PDZD2: variants seen among roughly 807,000 people sequenced by gnomAD.
The protein encoded by PDZD2 is PDZ domain containing 2, also known as PDZ domain-containing protein 2.
Under a neutral mutation model 220.7 loss-of-function variants are expected in PDZD2, and 90 were observed. The ratio of observed to expected loss-of-function variants is 0.41; its 90% CI spans 0.34 to 0.49. The LOEUF (loss-of-function observed/expected upper bound fraction) is 0.49, where lower values mean the gene tolerates loss of function less well. Among genes scored for constraint, PDZD2 ranks in the 20% least tolerant of loss-of-function variants. PDZD2 has a pLI of 0.28. For missense variants in PDZD2, 3,174 were observed against 3,608.5 expected (o/e 0.88, Z 3.08); for synonymous variants, 1,375 against 1,450.5 (o/e 0.95, Z 1.18).
intron 2 of PDZD2, among the ~76,000 whole-genome samples, chr5:31,844,438 T>C (rs1317404542): frequency 5.3e-5 from 8 of 152,344 alleles, no homozygotes; most frequent in Admixed American, 1.3e-4. Flanking sequence ...TTTTTAACAA[T>C]GTGCATATGT....
chr5:31,815,433 G>A (rs1284013199), intron 2 of PDZD2, among the ~76,000 whole-genome samples: 5 of 152,018 alleles, frequency 3.3e-5, no homozygotes, highest in Admixed American at 3.3e-4. Context: ...ATATGTCAAA[G>A]AGATATATTT....
At chr5:31,755,085 A>C (rs1425337252) in intron 1 of PDZD2, among the ~76,000 whole-genome samples, 1 of 152,210 alleles carries the variant, frequency 6.6e-6, no homozygotes, top group Non-Finnish European at 1.5e-5. Context: ...AGGCAATGAC[A>C]GGGCAGCAGC....
rs1236864707 is a variant in PDZD2 at position 32,039,796 on chromosome 5, C to T, written c.1519+2454C>T. Among the ~76,000 whole-genome samples, 7 of 149,024 alleles carry T rather than the reference C, an allele frequency of 4.7e-5. No homozygotes were observed. The East Asian group carries it at 6.2e-4, about 13-fold the overall frequency. ...GGAGCGTCTCTGCCGGACTGCCCAT[C>T]GTCTGGGATGTGAGGAGCGCCTCTG... On this transcript the variant is annotated intron_variant, in intron 7 of 24. Transcript: ENST00000438447.
chr5:32,023,270 A>G (rs1306545057), intron 6 of PDZD2, among the ~76,000 whole-genome samples: 2 of 152,096 alleles, frequency 1.3e-5, no homozygotes, highest in Admixed American at 6.6e-5. Context: ...CCCGGAGCCC[A>G]GAGCTTTCAT....
intron 23 of PDZD2, chr5:32,100,747 A>G (rs1027351738): frequency 1.0e-5 from 5 of 496,176 alleles, no homozygotes; most frequent in African/African-American, 5.9e-5. Context: ...GGAGTCCCCA[A>G]GTGTGACTTC....
At chr5:31,894,058 CT>C (rs35969573) in intron 2 of PDZD2, among the ~76,000 whole-genome samples, 3,227 of 69,690 alleles carry the variant, frequency 0.046, 60 homozygotes, top group Non-Finnish European at 0.056. Flanking sequence ...CCACGCCCAG[CT>C]TTTTTTTTTT....
intron 1 of PDZD2, among the ~76,000 whole-genome samples, chr5:31,796,619 C>T (rs78219065): frequency 0.021 from 3,225 of 152,172 alleles, 125 homozygotes; most frequent in African/African-American, 0.075. Context: ...CCCCACGAAA[C>T]GGAAGGGGAG....
intron 1 of PDZD2, among the ~76,000 whole-genome samples, chr5:31,697,905 T>A (rs1486362374): frequency 2.1e-5 from 1 of 48,454 alleles, no homozygotes; most frequent in Non-Finnish European, 3.9e-5. Context: ...TTATTATCAT[T>A]TTTTATCATT....
At chr5:31,681,954 A>G (rs1746666933) in intron 1 of PDZD2, among the ~76,000 whole-genome samples, 1 of 152,236 alleles carries the variant, frequency 6.6e-6, no homozygotes, top group Non-Finnish European at 1.5e-5. Flanking sequence ...GGCATAGCTT[A>G]GATTCCTTAC....
At chr5:31,988,712 C>T (rs921098557) in intron 3 of PDZD2, among the ~76,000 whole-genome samples, 5 of 152,192 alleles carry the variant, frequency 3.3e-5, no homozygotes, top group African/African-American at 1.2e-4. Flanking sequence ...TATCCAGTTT[C>T]TTATTCCCTG....
intron 1 of PDZD2, among the ~76,000 whole-genome samples, chr5:31,653,887 C>T (rs1267533880): frequency 3.3e-5 from 5 of 152,134 alleles, no homozygotes; most frequent in Admixed American, 3.3e-4. Context: ...CAGGTTCAAG[C>T]GATTCTCCTG....
At chr5:32,014,547 A>G in intron 6 of PDZD2, among the ~76,000 whole-genome samples, 1 of 151,722 alleles carries the variant, frequency 6.6e-6, no homozygotes, top group Non-Finnish European at 1.5e-5. Context: ...GCCACGACTC[A>G]CCCCCACTGT....
chr5:31,778,623 C>T (rs1752861970), intron 1 of PDZD2, among the ~76,000 whole-genome samples: 1 of 152,150 alleles, frequency 6.6e-6, no homozygotes, highest in Non-Finnish European at 1.5e-5. Flanking sequence ...AAACTCCGAA[C>T]ACGTCCGAAC....
At chr5:32,028,493 T>A (rs1327469440) in intron 6 of PDZD2, among the ~76,000 whole-genome samples, 1 of 152,140 alleles carries the variant, frequency 6.6e-6, no homozygotes, top group Admixed American at 6.6e-5. Flanking sequence ...AATGTCAACA[T>A]AATAATGTTC....
chr5:31,744,307 A>G (rs906764291), intron 1 of PDZD2: 2 of 152,152 alleles, frequency 1.3e-5, no homozygotes, highest in African/African-American at 4.8e-5. Flanking sequence ...GCTTTTTTCA[A>G]AACTAGGGTG....
intron 2 of PDZD2, among the ~76,000 whole-genome samples, chr5:31,860,510 C>G (rs1414987431): frequency 6.6e-6 from 1 of 152,220 alleles, no homozygotes; most frequent in Non-Finnish European, 1.5e-5. Flanking sequence ...TTTACCCTCA[C>G]TCATGTCAGA....
At chr5:32,016,965 CT>C (rs1302519057) in intron 6 of PDZD2, among the ~76,000 whole-genome samples, 5 of 152,228 alleles carry the variant, frequency 3.3e-5, no homozygotes, top group Non-Finnish European at 7.3e-5. Context: ...GGTTTGCTCA[CT>C]TGCGTCTCCC....
At chr5:31,935,336 C>A (rs1745630402) in intron 2 of PDZD2, among the ~76,000 whole-genome samples, 1 of 152,126 alleles carries the variant, frequency 6.6e-6, no homozygotes, top group African/African-American at 2.4e-5. Context: ...GCAAATTTTA[C>A]CCATAATAGA....
intron 2 of PDZD2, among the ~76,000 whole-genome samples, chr5:31,813,354 G>T (rs1233001852): frequency 6.7e-6 from 1 of 150,338 alleles, no homozygotes; most frequent in Non-Finnish European, 1.5e-5. Context: ...GGAGGCTGAG[G>T]CAGGAGAATG....
Sources: gnomAD v4.1 joint callset for allele counts (sites outside exome capture counted in the v4.1 genomes callset) on GRCh38, gnomAD v4.1.1 for gene constraint, MANE v1.5 for transcripts, NCBI Gene and HGNC (gene_info 2026-07-23, HGNC 2026-07-21) for gene names.